The following TMCC3 variants were observed in gnomAD, a reference collection of about 807,000 sequenced individuals.
TMCC3 encodes transmembrane and coiled-coil domain protein 3.
TMCC3 carries 28 observed loss-of-function variants against 40.2 expected under a neutral mutation model. The observed-to-expected ratio is 0.70, with a 90% CI of 0.52 to 0.95. The LOEUF (loss-of-function observed/expected upper bound fraction) is 0.95, where lower values mean the gene tolerates loss of function less well. Among genes scored for constraint, TMCC3 ranks in the 40% least tolerant of loss-of-function variants. The pLI is 0.00. For synonymous variants in TMCC3, 255 were observed against 248.5 expected (o/e 1.03, Z -0.25); for missense variants, 554 against 615.2 (o/e 0.90, Z 1.05).
At chr12:94,648,351 C>T (rs1457307067) in intron 1 of TMCC3, among the ~76,000 whole-genome samples, 1 of 152,114 alleles carries the variant, frequency 6.6e-6, no homozygotes, top group East Asian at 1.9e-4. Context: ...CTCACCCTCC[C>T]GAGTAGCTGG....
intron 1 of TMCC3, among the ~76,000 whole-genome samples, chr12:94,618,521 G>A (rs377607870): frequency 3.9e-5 from 6 of 152,292 alleles, no homozygotes; most frequent in South Asian, 2.1e-4. Context: ...TGGATTAAAC[G>A]TAGACAATGA....
At chr12:94,620,150 C>T (rs549740387) in intron 1 of TMCC3, among the ~76,000 whole-genome samples, 3 of 151,148 alleles carry the variant, frequency 2.0e-5, no homozygotes, top group Non-Finnish European at 2.9e-5. Flanking sequence ...GCAACAAAAG[C>T]GAGACTGTCT....
At chr12:94,593,427 G>GAGGAAGA (rs1381094796) in intron 1 of TMCC3, among the ~76,000 whole-genome samples, 1 of 113,176 alleles carries the variant, frequency 8.8e-6, no homozygotes, top group African/African-American at 3.3e-5. Context: ...GAAGAAGGAA[G>GAGGAAGA]AAGAAGGAGA....
chr12:94,603,991 T>C (rs2068767994), intron 1 of TMCC3, among the ~76,000 whole-genome samples: 1 of 152,204 alleles, frequency 6.6e-6, no homozygotes, highest in African/African-American at 2.4e-5. Flanking sequence ...TTTTTAAAGT[T>C]TCCCAAACTT....
intron 3 of TMCC3, among the ~76,000 whole-genome samples, chr12:94,578,068 G>A (rs2068576504): frequency 7.1e-6 from 1 of 140,860 alleles, no homozygotes; most frequent in East Asian, 2.2e-4. Flanking sequence ...AGAATCGTTT[G>A]AACTCGGGAG....
intron 1 of TMCC3, among the ~76,000 whole-genome samples, chr12:94,614,111 A>C (rs1364193653): frequency 6.6e-6 from 1 of 151,646 alleles, no homozygotes; most frequent in Non-Finnish European, 1.5e-5. Flanking sequence ...AAAAAAAAAA[A>C]AAAAACTATG....
At position 94,568,485 on chromosome 12, in the gene TMCC3, A is replaced by G. The variant is rs1416764851; in HGVS notation, c.*2950T>C. ...CACTTTCCATCTTTGGGTTTGCCCA[A>G]GATGTTTACCATAAATGAAAGGGGT... On this transcript the variant is annotated 3_prime_UTR_variant, in exon 4 of 4. Transcript: ENST00000261226. 2 of 152,176 alleles carry G rather than the reference A, an allele frequency of 1.3e-5. No homozygotes were observed. Among genetic ancestry groups the G allele is most frequent in the African/African-American group, 4.8e-5 (2 of 41,442 alleles). The allele number at this position is 152,176 out of a possible 1,614,324, so 9.4% of individuals were successfully genotyped here.
intron 1 of TMCC3, among the ~76,000 whole-genome samples, chr12:94,629,249 T>C (rs988425060): frequency 6.6e-6 from 1 of 152,056 alleles, no homozygotes; most frequent in Non-Finnish European, 1.5e-5. Context: ...ACAAGAGACA[T>C]CCCTGCAGGA....
At chr12:94,626,836 GT>G (rs1367067726) in intron 1 of TMCC3, among the ~76,000 whole-genome samples, 1 of 152,106 alleles carries the variant, frequency 6.6e-6, no homozygotes, top group Non-Finnish European at 1.5e-5. Context: ...CACTTAATTT[GT>G]TTTTGTTGTT....
chr12:94,645,598 G>A (rs1026297644), intron 1 of TMCC3, among the ~76,000 whole-genome samples: 5 of 151,978 alleles, frequency 3.3e-5, no homozygotes, highest in African/African-American at 1.2e-4. Flanking sequence ...CCACCATGCC[G>A]AGCTAATTTT....
chr12:94,613,071 G>GATAT (rs146454912), intron 1 of TMCC3, among the ~76,000 whole-genome samples: 280 of 149,778 alleles, frequency 1.9e-3, no homozygotes, highest in African/African-American at 6.1e-3. Flanking sequence ...GCACATTGGA[G>GATAT]ATATATATAT....
In TMCC3 at chr12:94,588,892, C is replaced by A. The variant is rs371913545; in HGVS notation, c.79-6354G>T. Among the ~76,000 whole-genome samples the A allele has an allele frequency of 2.6e-4, 39 of 151,114 alleles. 1 individual carries two copies. Among genetic ancestry groups the A allele is most frequent in the Admixed American group, 2.3e-3 (35 of 15,198 alleles). On this transcript the variant is annotated intron_variant, in intron 1 of 3. Transcript: ENST00000261226. Reference sequence around the variant, plus strand: ...AGGTTGGAGTGCAGTGGTGCAATCTCGGCTCACTGCAACCTCCACCTCCTG... The same window carrying A: ...AGGTTGGAGTGCAGTGGTGCAATCTAGGCTCACTGCAACCTCCACCTCCTG...
At chr12:94,592,694 T>C (rs1414235040) in intron 1 of TMCC3, among the ~76,000 whole-genome samples, 1 of 76,320 alleles carries the variant, frequency 1.3e-5, no homozygotes, top group African/African-American at 4.5e-5. Context: ...TTCTATTTCC[T>C]GAGAGCAGGT....
chr12:94,640,296 AC>A (rs1411279724), intron 1 of TMCC3, among the ~76,000 whole-genome samples: 1 of 151,866 alleles, frequency 6.6e-6, no homozygotes, highest in African/African-American at 2.4e-5. Flanking sequence ...TGATCCTCCC[AC>A]CTCAGCCTCC....
chr12:94,593,324 G>A (rs1422733316), intron 1 of TMCC3, among the ~76,000 whole-genome samples: 3 of 148,232 alleles, frequency 2.0e-5, no homozygotes, highest in East Asian at 4.0e-4. Flanking sequence ...CCAAGACTGT[G>A]CCACTGCATT....
intron 1 of TMCC3, chr12:94,590,713 C>A: frequency 3.0e-6 from 1 of 327,998 alleles, no homozygotes; most frequent in Non-Finnish European, 5.9e-6. Context: ...CCCAGAAGAA[C>A]AGGAGCTTTT....
At chr12:94,617,338 A>C (rs2068853373) in intron 1 of TMCC3, among the ~76,000 whole-genome samples, 1 of 152,178 alleles carries the variant, frequency 6.6e-6, no homozygotes, top group African/African-American at 2.4e-5. Flanking sequence ...GACCTAATCA[A>C]ATCCCAGCTT....
intron 1 of TMCC3, among the ~76,000 whole-genome samples, chr12:94,604,799 A>G (rs1566325453): frequency 1.4e-5 from 1 of 72,130 alleles, no homozygotes; most frequent in African/African-American, 6.0e-5. Context: ...GTGAGACTTC[A>G]TCTCAAAAAA....
Position 94,582,113 on chromosome 12 carries a change from T to C in TMCC3, c.504A>G (p.Lys168=). The stretch of plus-strand genomic sequence containing the variant: ...CAGTTCGAGATTTCACGTGGGCATC[T>C]TTCAAAGAGCGATGTATATCCTTCA... ...DHLKDIHRSL[K]DAHVKSRTAP... Residue 168 remains lysine (K), a synonymous_variant, in exon 2 of 4, where the codon AAA becomes AAG. Coordinates refer to ENST00000261226, the MANE Select transcript of TMCC3 (RefSeq NM_020698.4). 6.2e-7 allele frequency: 1 copy of C among 1,614,198 alleles called. No individual in the cohort carries two copies. The highest frequency in any genetic ancestry group is 8.5e-7 in the Non-Finnish European group (1 of 1,180,028).
Sources: gnomAD v4.1 joint callset for allele counts (sites outside exome capture counted in the v4.1 genomes callset) on GRCh38, gnomAD v4.1.1 for gene constraint, MANE v1.5 for transcripts, NCBI Gene and HGNC (gene_info 2026-07-23, HGNC 2026-07-21) for gene names.